Variants in ABCB11 observed in about 807,000 individuals in gnomAD.
ABCB11 encodes the protein bile salt export pump.
A neutral mutation model predicts 148.0 loss-of-function variants in ABCB11; 95 were observed. The ratio of observed to expected loss-of-function variants is 0.64; its 90% confidence interval spans 0.54 to 0.76. The LOEUF is 0.76. Ranked by LOEUF, ABCB11 falls within the 30% of genes least tolerant of loss-of-function variation. ABCB11 has a pLI of 0.00. For missense variants in ABCB11, 1,523 were observed against 1,617.8 expected (o/e 0.94, Z 1.01); for synonymous variants, 591 against 555.4 (o/e 1.06, Z -0.90).
At chr2:169,022,381 A>G (rs1334403131) in intron 1 of ABCB11, among the ~76,000 whole-genome samples, 2 of 152,022 alleles carry the variant, frequency 1.3e-5, no homozygotes, top group Non-Finnish European at 2.9e-5. Context: ...GAAAATGGGA[A>G]AGGTAAAATA....
chr2:169,000,886 T>G (rs1694850637), intron 5 of ABCB11, among the ~76,000 whole-genome samples: 1 of 152,170 alleles, frequency 6.6e-6, no homozygotes, highest in African/African-American at 2.4e-5. Flanking sequence ...TTCTCTCTGT[T>G]ATTTCTGTGT....
At position 168,973,645 on chromosome 2, in the gene ABCB11, G is replaced by A. The variant is rs2287623; in HGVS notation, c.1434+70C>T. The A allele has an allele frequency of 0.59, 920,188 of 1,556,316 alleles. 274,108 individuals carry two copies. The highest frequency in any genetic ancestry group is 0.75 in the East Asian group (32,885 of 43,754). ...GTCTCAATGTATGCTACACCTTTCT[G>A]TTTGATCAATATACTGCCATTTGCA... is the stretch of plus-strand genomic sequence containing the variant. On this transcript the variant is annotated intron_variant, in intron 13 of 27. Transcript: ENST00000650372.
rs763634627 is a variant in ABCB11 at position 168,932,522 on chromosome 2, G to A, written c.3068C>T (p.Ala1023Val). 5 of 1,613,454 alleles carry A rather than the reference G, an allele frequency of 3.1e-6. No homozygotes were observed. In the South Asian group the frequency reaches 5.5e-5, roughly 18 times the overall value. ...HFSYVFRVISAVVLSATALGR... is the reference protein window; with the variant it reads ...HFSYVFRVISVVVLSATALGR... Reference sequence around the variant, plus strand: ...AAGAGCTGTTGCACTCAGTACAACTGCAGAGATCACCCTGTAACCAGACAG... The same window carrying A: ...AAGAGCTGTTGCACTCAGTACAACTACAGAGATCACCCTGTAACCAGACAG... The change falls in exon 24 of 28, where the codon GCA (alanine) becomes GTA (valine). Residue 1023 changes from alanine to valine, a missense_variant. Transcript: ENST00000650372.
At position 169,007,766 on chromosome 2, in the gene ABCB11, A is replaced by G. The variant is rs113992888; in HGVS notation, c.389+5506T>C. ...TAGATATGACACCAATTCAGAAGCA[A>G]CAAAAGAACAAACTAGACATCACCA... is the stretch of plus-strand genomic sequence containing the variant. On this transcript the variant is annotated intron_variant, in intron 5 of 27. Coordinates refer to ENST00000650372, the MANE Select transcript of ABCB11 (RefSeq NM_003742.4). 1.2e-3 allele frequency among the ~76,000 whole-genome samples: 189 copies of G among 152,322 alleles called. 2 individuals are homozygous for G. The highest frequency in any genetic ancestry group is 4.3e-3 in the African/African-American group (179 of 41,574).
At chr2:168,923,848 T>C (rs1272740974) in intron 27 of ABCB11, 26 bp from the exon 28 acceptor site, 4 of 1,610,584 alleles carry the variant, frequency 2.5e-6, no homozygotes, top group Non-Finnish European at 3.4e-6. Flanking sequence ...GGAAAGTTGA[T>C]GCAAAGATGC....
At chr2:169,029,024 AG>A (rs757680398) in intron 1 of ABCB11, among the ~76,000 whole-genome samples, 8 of 152,288 alleles carry the variant, frequency 5.3e-5, no homozygotes, top group African/African-American at 9.6e-5. Context: ...GAGGACAGTG[AG>A]GGGAACCAAG....
At chr2:168,986,381 T>A in intron 9 of ABCB11, 97 bp from the exon 10 acceptor site, 1 of 1,066,824 alleles carries the variant, frequency 9.4e-7, no homozygotes, top group Non-Finnish European at 1.4e-6. Context: ...AAAATGATCA[T>A]AAAATCATCG....
chr2:168,973,833 T>C lies in ABCB11; in HGVS notation c.1316A>G (p.Asn439Ser), dbSNP rs1360835646. 1 of 1,611,098 alleles carries C rather than the reference T, an allele frequency of 6.2e-7. No individual in the cohort carries two copies. Among genetic ancestry groups the C allele is most frequent in the South Asian group, 1.1e-5 (1 of 90,990 alleles). ...YPSRPEVKIL[N>S]DLNMVIKPGE... ...TGGTTTAATGACCATGTTGAGGTCA[T>C]TTAGAATCTGGAGAAGAAAGAAAAC... Residue 439 changes from asparagine to serine, a missense_variant, in exon 13 of 28, where the codon AAT (asparagine) becomes AGT (serine). By Grantham distance (46) the Asn-to-Ser change is conservative. Coordinates refer to ENST00000650372, the MANE Select transcript of ABCB11 (RefSeq NM_003742.4).
chr2:169,026,128 A>G (rs966669396), intron 1 of ABCB11, among the ~76,000 whole-genome samples: 1 of 152,218 alleles, frequency 6.6e-6, no homozygotes, highest in Non-Finnish European at 1.5e-5. Context: ...ATTGACTCAA[A>G]GTAACTTTGA....
intron 21 of ABCB11, among the ~76,000 whole-genome samples, chr2:168,937,313 A>C (rs1691876156): frequency 6.6e-6 from 1 of 152,186 alleles, no homozygotes; most frequent in Non-Finnish European, 1.5e-5. Context: ...TGCTATGAAC[A>C]CTGGTGTATA....
chr2:169,006,522 A>C (rs28802954), intron 5 of ABCB11, among the ~76,000 whole-genome samples: 6,134 of 152,200 alleles, frequency 0.04, 422 homozygotes, highest in African/African-American at 0.14. Context: ...TCAACATTGT[A>C]CTGGAGGTTT....
chr2:168,970,813 A>G (rs9287906), intron 14 of ABCB11, among the ~76,000 whole-genome samples: 86,914 of 151,744 alleles, frequency 0.57, 25,157 homozygotes, highest in East Asian at 0.75. Context: ...TACACATAAC[A>G]TCTCTTTTAG....
At position 168,972,583 on chromosome 2, in the gene ABCB11, A is replaced by G. The variant is rs3770587; in HGVS notation, c.1435-533T>C. 3.1e-3 allele frequency among the ~76,000 whole-genome samples: 470 copies of G among 152,178 alleles called. 13 individuals are homozygous for G. The East Asian group carries it at 0.065, about 21-fold the overall frequency. On this transcript the variant is annotated intron_variant, in intron 13 of 27. Coordinates refer to ENST00000650372, the MANE Select transcript of ABCB11 (RefSeq NM_003742.4). The stretch of plus-strand genomic sequence containing the variant: ...TGTAAAAATCTTACATCAAGAAACT[A>G]TGATTTCTATATATTCAGAGTGCAG...
chr2:168,976,664 T>C lies in ABCB11; in HGVS notation c.1221A>G (p.Ser407=). The C allele has an allele frequency of 2.5e-6, 4 of 1,611,014 alleles. No individual in the cohort carries two copies. Among genetic ancestry groups the C allele is most frequent in the Non-Finnish European group, 3.4e-6 (4 of 1,177,668 alleles). ...TTCGATCCAACTTGTAACCATCTTC[T>C]GACATGCAGTCAATGATGGGTTTCT... is the stretch of plus-strand genomic sequence containing the variant. ...IDRKPIIDCM[S]EDGYKLDRIK... Residue 407 remains serine, a synonymous_variant, in exon 12 of 28, where the codon TCA becomes TCG. Transcript: ENST00000650372.
intron 24 of ABCB11, among the ~76,000 whole-genome samples, chr2:168,931,578 C>A (rs1691570880): frequency 6.6e-6 from 1 of 152,212 alleles, no homozygotes. Flanking sequence ...ATTTTCAGGA[C>A]ATCCACATAA....
At chr2:168,931,184 C>T (rs1691553946) in intron 24 of ABCB11, among the ~76,000 whole-genome samples, 1 of 152,114 alleles carries the variant, frequency 6.6e-6, no homozygotes, top group Admixed American at 6.6e-5. Context: ...ATCACAGAAG[C>T]CAGTAACTGT....
chr2:168,981,567 T>C (rs986669697), intron 10 of ABCB11, among the ~76,000 whole-genome samples: 2 of 152,182 alleles, frequency 1.3e-5, no homozygotes, highest in Non-Finnish European at 2.9e-5. Context: ...ATGATGATGC[T>C]GACAGTGAAG....
chr2:168,965,826 A>G (rs796482939), intron 17 of ABCB11, among the ~76,000 whole-genome samples: 16 of 151,964 alleles, frequency 1.1e-4, no homozygotes, highest in African/African-American at 3.6e-4. Flanking sequence ...TGCCTACTAT[A>G]TGCTCATCTA....
At chr2:169,023,366 G>A (rs906043771) in intron 1 of ABCB11, among the ~76,000 whole-genome samples, 4 of 152,264 alleles carry the variant, frequency 2.6e-5, no homozygotes, top group Non-Finnish European at 5.9e-5. Context: ...CCAGATAAGG[G>A]CACTAAAGTA....
Sources: allele counts gnomAD v4.1 joint callset (sites outside exome capture counted in the v4.1 genomes callset), GRCh38; gene constraint gnomAD v4.1.1; transcripts MANE v1.5; gene names NCBI Gene and HGNC (gene_info 2026-07-23, HGNC 2026-07-21).